FOXM1: variants seen among roughly 807,000 people sequenced by gnomAD.
FOXM1 encodes the protein forkhead box M1, also known as forkhead box protein M1.
Under a neutral mutation model 63.6 loss-of-function variants are expected in FOXM1, and 25 were observed. That is an observed-to-expected ratio of 0.39 (90% CI 0.29 to 0.55). The LOEUF is 0.55. FOXM1 is among the 20% of genes least tolerant of loss of function. The pLI is 0.60. For synonymous variants in FOXM1, 387 were observed against 376.9 expected (o/e 1.03, Z -0.31); for missense variants, 879 against 958.7 (o/e 0.92, Z 1.10).
At chr12:2,867,285 AAC>A (rs2098124897) in intron 4 of FOXM1, among the ~76,000 whole-genome samples, 1 of 151,744 alleles carries the variant, frequency 6.6e-6, no homozygotes, top group South Asian at 2.1e-4. Context: ...GCAACATAGT[AAC>A]CAGCCTGGGC....
chr12:2,864,833 G>C lies in FOXM1; in HGVS notation c.1021-81C>G, dbSNP rs542082303. The stretch of plus-strand genomic sequence containing the variant: ...AGGGGATGGCAAAACCCCACCAGCT[G>C]CTCTGGTGGTGTGTGCTTGAGTTAA... On this transcript the variant is annotated intron_variant, in intron 6 of 8. Transcript: ENST00000359843. The surrounding 1 kb of genome is among the most constrained non-coding windows in gnomAD (Gnocchi z 5.1). 5.6e-6 allele frequency: 8 copies of C among 1,427,008 alleles called. No individual in the cohort carries two copies. The South Asian group carries it at 5.7e-5, about 10-fold the overall frequency. The allele number at this position is 1,427,008 out of a possible 1,614,324, so 88.4% of individuals were successfully genotyped here.
intron 4 of FOXM1, among the ~76,000 whole-genome samples, chr12:2,866,978 C>T (rs1229466590): frequency 6.6e-6 from 1 of 151,928 alleles, no homozygotes. Flanking sequence ...CATGGTGAAA[C>T]CCTGTCTCTA....
intron 4 of FOXM1, among the ~76,000 whole-genome samples, chr12:2,867,847 G>C (rs1269349840): frequency 6.6e-6 from 1 of 151,240 alleles, no homozygotes; most frequent in Non-Finnish European, 1.5e-5. Flanking sequence ...GCGTGGTGGC[G>C]CATGCCTGTA....
chr12:2,870,321 A>C (rs1279338997), intron 3 of FOXM1, among the ~76,000 whole-genome samples: 1 of 152,200 alleles, frequency 6.6e-6, no homozygotes, highest in Non-Finnish European at 1.5e-5. Flanking sequence ...TATGATCCTA[A>C]GCGATTTAAT....
rs2098138054 is a variant in FOXM1, at chr12:2,874,185, ACT to A, written c.292_293del (p.Ser98TrpfsTer3). The A allele has an allele frequency of 6.2e-7, 1 of 1,613,774 alleles. No individual in the cohort carries two copies. Among genetic ancestry groups the A allele is most frequent in the African/African-American group, 1.3e-5 (1 of 74,824 alleles). On this transcript the variant is annotated frameshift_variant, in exon 2 of 9. Transcript: ENST00000359843. LOFTEE classifies it high-confidence loss of function. The surrounding 1 kb of genome is among the most constrained non-coding windows in gnomAD (Gnocchi z 4.3). ...TGAATTTGTTGGGCCCACTACTGCC[ACT>A]CTCTTTTCCCTTGGCAGTCAGTGCT... Reference protein sequence around the residue: ...ITALTAKGKESGSSGPNKFIL... With the variant: ...ITALTAKGKEXGSSGPNKFIL...
chr12:2,869,907 G>A (rs1490955625), intron 3 of FOXM1, among the ~76,000 whole-genome samples: 1 of 151,332 alleles, frequency 6.6e-6, no homozygotes, highest in East Asian at 2.0e-4. Context: ...TTTTAAAATT[G>A]GAGATATTAC....
In FOXM1 at chr12:2,864,604, CAG is replaced by C; in HGVS notation, c.1090+77_1090+78del. 1 of 1,588,602 alleles carries C rather than the reference CAG, an allele frequency of 6.3e-7. No homozygotes were observed. The highest frequency in any genetic ancestry group is 8.6e-7 in the Non-Finnish European group (1 of 1,157,496). On this transcript the variant is annotated intron_variant, in intron 7 of 8. Transcript: ENST00000359843. This position sits in a 1 kb window ranked among gnomAD's most constrained non-coding sequence, Gnocchi z 5.1. The stretch of plus-strand genomic sequence containing the variant: ...GGCTCAGATCCCTTTGAGGTGGGAA[CAG>C]AATCCCAGAGTCTGGTTCCCTAAAG...
intron 8 of FOXM1, chr12:2,861,455 T>TA (rs1323582990): frequency 1.8e-6 from 1 of 564,488 alleles, no homozygotes; most frequent in East Asian, 3.1e-5. Flanking sequence ...TAAAACATTT[T>TA]AAAAAATTAA....
At position 2,864,396 on chromosome 12, in the gene FOXM1, A is replaced by G. The variant is rs762554665; in HGVS notation, c.1190T>C (p.Val397Ala). The change falls in exon 8 of 9, where the codon GTG becomes GCG. Residue 397 changes from valine to alanine, a missense_variant. Val to Ala is a moderately conservative substitution (Grantham distance 64). Transcript: ENST00000359843. The surrounding 1 kb of genome is among the most constrained non-coding windows in gnomAD (Gnocchi z 5.1). ...GAGGGAAGCCGCCAGGGGCAATGGC[A>G]CCTTCACCGAGGGCTGCAACACCAG... Reference protein sequence around the residue: ...QSLVLQPSVKVPLPLAASLMS... With the variant: ...QSLVLQPSVKAPLPLAASLMS... 1.2e-6 allele frequency: 2 copies of G among 1,614,126 alleles called. No individual in the cohort carries two copies. The highest frequency in any genetic ancestry group is 1.1e-5 in the South Asian group (1 of 91,088).
rs71583732 is a variant in FOXM1, at chr12:2,858,535, G to T, written c.*103C>A. 3.3e-5 allele frequency: 33 copies of T among 1,009,084 alleles called. No homozygotes were observed. Among genetic ancestry groups the T allele is most frequent in the Non-Finnish European group, 4.6e-5 (32 of 692,752 alleles). The allele number at this position is 1,009,084 out of a possible 1,614,324, so 62.5% of individuals were successfully genotyped here. ...AGGCAGCAGGGAGCTATGAGGAGCA[G>T]AACAGTCCCTGCCTGCTGTCCTCAC... On this transcript the variant is annotated 3_prime_UTR_variant, in exon 9 of 9. Coordinates refer to ENST00000359843, the MANE Select transcript of FOXM1 (RefSeq NM_021953.4).
chr12:2,867,433 C>T (rs997991884), intron 4 of FOXM1, among the ~76,000 whole-genome samples: 2 of 151,930 alleles, frequency 1.3e-5, no homozygotes, highest in Non-Finnish European at 2.9e-5. Flanking sequence ...AGGGTGAGAC[C>T]CTGTCTCAAA....
chr12:2,874,119 T>G lies in FOXM1; in HGVS notation c.360A>C (p.Gly120=), dbSNP rs773716634. ...AGCTGGTTTGGGTTTGAGGCCGGAG[T>G]CCTGGAGGCTGAGTTGGGGCTCCCC... ...SCGGAPTQPP[G]LRPQTQTSYD... is the part of the protein sequence containing the mutation. Residue 120 remains glycine, a synonymous_variant, in exon 2 of 9, where the codon GGA becomes GGC. Transcript: ENST00000359843. This position sits in a 1 kb window ranked among gnomAD's most constrained non-coding sequence, Gnocchi z 4.3. 6.2e-7 allele frequency: 1 copy of G among 1,614,024 alleles called. No individual in the cohort carries two copies. Among genetic ancestry groups the G allele is most frequent in the Non-Finnish European group, 8.5e-7 (1 of 1,180,028 alleles).
chr12:2,866,888 C>G (rs1053274295), intron 4 of FOXM1, among the ~76,000 whole-genome samples: 1 of 152,222 alleles, frequency 6.6e-6, no homozygotes, highest in Non-Finnish European at 1.5e-5. Flanking sequence ...CGTGGTGGCT[C>G]ACGCCTATAA....
At position 2,872,502 on chromosome 12, in the gene FOXM1, A is replaced by G. The variant is rs1475010244; in HGVS notation, c.503-255T>C. On this transcript the variant is annotated intron_variant, in intron 2 of 8. Transcript: ENST00000359843. The surrounding 1 kb of genome is among the most constrained non-coding windows in gnomAD (Gnocchi z 4.0). ...CACACGCCTGTAGTCCCAGCTACTC[A>G]GGAGGCTGAGACAGGAGAATTGCTC... Among the ~76,000 whole-genome samples the G allele has an allele frequency of 1.3e-5, 2 of 152,138 alleles. No individual in the cohort carries two copies. Among genetic ancestry groups the G allele is most frequent in the Non-Finnish European group, 2.9e-5 (2 of 68,024 alleles).
rs1215152099 is a variant in FOXM1, at chr12:2,871,566, C to T, written c.654+530G>A. 9.9e-5 allele frequency among the ~76,000 whole-genome samples: 15 copies of T among 152,122 alleles called. No individual in the cohort carries two copies. In the East Asian group the frequency reaches 2.9e-3, roughly 29 times the overall value. ...ACTTGGAAGACTGAGGTAGAAGGAT[C>T]AGTTGAGCCCTGGAGGTCGAGGCTG... is the stretch of plus-strand genomic sequence containing the variant. On this transcript the variant is annotated intron_variant, in intron 3 of 8. Coordinates refer to ENST00000359843, the MANE Select transcript of FOXM1 (RefSeq NM_021953.4).
Position 2,874,260 on chromosome 12 carries a change from C to G in FOXM1, c.219G>C (p.Thr73=). The change falls in exon 2 of 9, where the codon ACG becomes ACC. Residue 73 remains threonine (T), a synonymous_variant. Transcript: ENST00000359843. The surrounding 1 kb of genome is among the most constrained non-coding windows in gnomAD (Gnocchi z 4.3). ...KIINHPTMPN[T]QVVAIPNNAN... ...CATTGTTGGGGATGGCCACTACTTG[C>G]GTGTTGGGCATGGTGGGGTGGTTAA... 3 of 1,614,082 alleles carry G rather than the reference C, an allele frequency of 1.9e-6. No homozygotes were observed. Among genetic ancestry groups the G allele is most frequent in the Non-Finnish European group, 2.5e-6 (3 of 1,180,032 alleles).
intron 8 of FOXM1, among the ~76,000 whole-genome samples, chr12:2,860,273 C>G (rs1305180516): frequency 6.6e-6 from 1 of 152,092 alleles, no homozygotes; most frequent in Non-Finnish European, 1.5e-5. Flanking sequence ...GACACTGAGG[C>G]CAGTTTGAGA....
In FOXM1 at chr12:2,874,002, A is replaced by G. The variant is rs1006955852; in HGVS notation, c.477T>C (p.Leu159=). Residue 159 remains leucine (L), a synonymous_variant, in exon 2 of 9, where the codon CTT becomes CTC. Coordinates refer to ENST00000359843, the MANE Select transcript of FOXM1 (RefSeq NM_021953.4). This position sits in a 1 kb window ranked among gnomAD's most constrained non-coding sequence, Gnocchi z 4.3. ...CACAGGTCTCCCGTTTCTGCTCGCAAAGGGCTCCAGGTGGTCTAGGAAGAT... is the reference window on the plus strand; with the variant it reads ...CACAGGTCTCCCGTTTCTGCTCGCAGAGGGCTCCAGGTGGTCTAGGAAGAT... ...DVNLPRPPGA[L]CEQKRETCAD... 8.7e-6 allele frequency: 14 copies of G among 1,612,826 alleles called. No homozygotes were observed. Among genetic ancestry groups the G allele is most frequent in the East Asian group, 2.2e-5 (1 of 44,874 alleles).
intron 3 of FOXM1, among the ~76,000 whole-genome samples, chr12:2,871,661 A>T (rs900105171): frequency 6.7e-6 from 1 of 150,126 alleles, no homozygotes; most frequent in Non-Finnish European, 1.5e-5. Context: ...TAAAAAAAAA[A>T]AATATATATA....
Sources: allele counts gnomAD v4.1 joint callset (sites outside exome capture counted in the v4.1 genomes callset), GRCh38; gene constraint gnomAD v4.1.1; non-coding constraint Gnocchi (gnomAD v3.1); transcripts MANE v1.5; gene names NCBI Gene and HGNC (gene_info 2026-07-23, HGNC 2026-07-21).